Variants in ZNF469 observed in about 807,000 individuals in gnomAD.
The protein encoded by ZNF469 is zinc finger protein 469.
A neutral mutation model predicts 1.0 loss-of-function variants in ZNF469; 1 was observed. The ratio of observed to expected loss-of-function variants is 1.00; its 90% CI spans 0.35 to 4.73. The LOEUF (loss-of-function observed/expected upper bound fraction) is 4.73, where lower values mean the gene tolerates loss of function less well. Ranked by LOEUF, ZNF469 falls within the 30% of genes most tolerant of loss-of-function variation. ZNF469 has a pLI of 0.16. For missense variants in ZNF469, 6,100 were observed against 5,356.3 expected (o/e 1.14, Z -4.33); for synonymous variants, 2,703 against 2,363.4 (o/e 1.14, Z -4.17).
At position 88,437,430 on chromosome 16, in the gene ZNF469, G is replaced by A; in HGVS notation, c.9960G>A (p.Glu3320=). Residue 3320 remains glutamate (E), a synonymous_variant, in exon 3 of 3, where the codon GAG becomes GAA. Transcript: ENST00000565624. ...CCCCCGACCCCTGGGCCGGCGGGGA[G>A]CCCCTCCTGCAAGCCACCCCGGTGC... ...SPSPDPWAGG[E]PLLQATPVHE... The A allele has an allele frequency of 2.6e-6, 4 of 1,521,204 alleles. No homozygotes were observed. Among genetic ancestry groups the A allele is most frequent in the East Asian group, 2.5e-5 (1 of 39,466 alleles). The allele number at this position is 1,521,204 out of a possible 1,614,324, so 94.2% of individuals were successfully genotyped here.
chr16:88,293,201 G>C, the ZNF469 span, among the ~76,000 whole-genome samples: 1 of 152,034 alleles, frequency 6.6e-6, no homozygotes, highest in African/African-American at 2.4e-5. Flanking sequence ...TGGATGAATG[G>C]ATGGGTAGAT....
the ZNF469 span, among the ~76,000 whole-genome samples, chr16:88,104,795 C>G: frequency 6.6e-6 from 1 of 152,198 alleles, no homozygotes; most frequent in Non-Finnish European, 1.5e-5. Flanking sequence ...AAAATGTGCT[C>G]CCCACCCCTC....
chr16:88,231,929 C>G, the ZNF469 span, among the ~76,000 whole-genome samples: 2 of 152,292 alleles, frequency 1.3e-5, no homozygotes, highest in South Asian at 4.1e-4. This position sits in a 1 kb window ranked among gnomAD's most constrained non-coding sequence, Gnocchi z 4.5. Flanking sequence ...CCGTGATGGG[C>G]TTTTTGGGGT....
chr16:88,146,419 C>T, the ZNF469 span, among the ~76,000 whole-genome samples: 4 of 152,146 alleles, frequency 2.6e-5, no homozygotes, highest in Admixed American at 6.5e-5. Flanking sequence ...CAGTGGCAGC[C>T]GTGGCTGGAA....
chr16:88,314,599 T>C, the ZNF469 span, among the ~76,000 whole-genome samples: 1 of 151,462 alleles, frequency 6.6e-6, no homozygotes, highest in South Asian at 2.1e-4. Context: ...TGGACTGTCA[T>C]CTCTGTGATT....
At chr16:88,336,177 A>G in the ZNF469 span, among the ~76,000 whole-genome samples, 2 of 149,580 alleles carry the variant, frequency 1.3e-5, no homozygotes, top group East Asian at 4.0e-4. Context: ...AACACCACAC[A>G]CATTCATCCT....
chr16:88,180,016 C>G, the ZNF469 span, among the ~76,000 whole-genome samples: 1 of 152,150 alleles, frequency 6.6e-6, no homozygotes, highest in Non-Finnish European at 1.5e-5. Flanking sequence ...AGAGGTATAA[C>G]AAGGCAATAG....
the ZNF469 span, among the ~76,000 whole-genome samples, chr16:88,346,622 A>T: frequency 6.6e-6 from 1 of 152,060 alleles, no homozygotes; most frequent in African/African-American, 2.4e-5. Context: ...GGCTCAAGCA[A>T]TCCTCCTGCC....
the ZNF469 span, among the ~76,000 whole-genome samples, chr16:88,248,384 AGTT>A: frequency 7.2e-5 from 11 of 152,214 alleles, no homozygotes; most frequent in African/African-American, 2.7e-4. Flanking sequence ...ATATTGGTCC[AGTT>A]TCTCTCTCAG....
chr16:88,109,644 AGC>A, the ZNF469 span, among the ~76,000 whole-genome samples: 2 of 137,600 alleles, frequency 1.5e-5, no homozygotes, highest in African/African-American at 5.8e-5. Flanking sequence ...GGAGGTGCTG[AGC>A]GTCTGTGTCC....
chr16:88,379,866 C>T (rs982107781), upstream of ZNF469, among the ~76,000 whole-genome samples: 3 of 152,148 alleles, frequency 2.0e-5, no homozygotes, highest in East Asian at 1.9e-4. Flanking sequence ...TCCCACCTCG[C>T]GGGGTTGTCA....
the ZNF469 span, among the ~76,000 whole-genome samples, chr16:88,315,427 C>T: frequency 3.9e-5 from 6 of 152,238 alleles, no homozygotes; most frequent in Non-Finnish European, 8.8e-5. Context: ...ACGCACACAA[C>T]GCCTGGATGG....
the ZNF469 span, among the ~76,000 whole-genome samples, chr16:88,114,107 G>A: frequency 6.6e-6 from 1 of 151,112 alleles, no homozygotes; most frequent in Non-Finnish European, 1.5e-5. Context: ...CCACCTCTCT[G>A]TGCCCAAGTT....
At chr16:88,287,709 T>C in the ZNF469 span, among the ~76,000 whole-genome samples, 3 of 152,204 alleles carry the variant, frequency 2.0e-5, no homozygotes, top group Admixed American at 6.5e-5. Context: ...CCGGTCTTCA[T>C]GTTGCTATGA....
At position 88,392,848 on chromosome 16, in the gene ZNF469, G is replaced by A. The variant is rs529736105; in HGVS notation, c.-192+9594G>A. Among the ~76,000 whole-genome samples, 9 of 152,286 alleles carry A rather than the reference G, an allele frequency of 5.9e-5. No individual in the cohort carries two copies. The South Asian group carries it at 1.7e-3, about 28-fold the overall frequency. On this transcript the variant is annotated intron_variant, in intron 1 of 2. Coordinates refer to ENST00000565624, the MANE Select transcript of ZNF469 (RefSeq NM_001367624.2). ...TCCTCTGAGAAGGTCTCCCTTCCCC[G>A]GCAGGTTCCCTCCCCAACCTCCCTT...
At chr16:88,376,951 C>T in the ZNF469 span, among the ~76,000 whole-genome samples, 1 of 152,248 alleles carries the variant, frequency 6.6e-6, no homozygotes, top group Non-Finnish European at 1.5e-5. Flanking sequence ...CTGGGTAAAG[C>T]AGGGAGGACG....
chr16:88,169,156 C>T, the ZNF469 span, among the ~76,000 whole-genome samples: 1 of 152,180 alleles, frequency 6.6e-6, no homozygotes, highest in African/African-American at 2.4e-5. The surrounding 1 kb of genome is among the most constrained non-coding windows in gnomAD (Gnocchi z 6.1). Context: ...CAGGGCCCAG[C>T]TCACGCATGA....
At chr16:88,220,735 G>A in the ZNF469 span, among the ~76,000 whole-genome samples, 5 of 152,038 alleles carry the variant, frequency 3.3e-5, no homozygotes, top group African/African-American at 9.7e-5. Context: ...TGGTTCCAGG[G>A]CCTGAGCTCT....
At chr16:88,287,493 C>T in the ZNF469 span, among the ~76,000 whole-genome samples, 1 of 152,264 alleles carries the variant, frequency 6.6e-6, no homozygotes, top group African/African-American at 2.4e-5. Flanking sequence ...AGTCTCCCCA[C>T]CTTGTAGCAC....
Sources: gnomAD v4.1 joint callset for allele counts (sites outside exome capture counted in the v4.1 genomes callset) on GRCh38, gnomAD v4.1.1 for gene constraint, Gnocchi (gnomAD v3.1) non-coding constraint, MANE v1.5 for transcripts, NCBI Gene and HGNC (gene_info 2026-07-23, HGNC 2026-07-21) for gene names.